Variants in CFAP95 observed in about 807,000 individuals in gnomAD.
CFAP95 encodes the protein cilia- and flagella-associated protein 95.
chr9:69,899,458 T>C, the CFAP95 span, among the ~76,000 whole-genome samples: 1 of 152,242 alleles, frequency 6.6e-6, no homozygotes, highest in African/African-American at 2.4e-5. Flanking sequence ...CTGCTTTCTA[T>C]AGAAAGTGTT....
the CFAP95 span, among the ~76,000 whole-genome samples, chr9:69,822,597 C>A: frequency 6.6e-6 from 1 of 152,310 alleles, no homozygotes; most frequent in Admixed American, 6.5e-5. Context: ...TAAATCACCA[C>A]TAGAAGTTAT....
At chr9:69,854,107 A>T in the CFAP95 span, among the ~76,000 whole-genome samples, 2 of 152,204 alleles carry the variant, frequency 1.3e-5, no homozygotes, top group East Asian at 3.9e-4. Flanking sequence ...ATATTGGGAG[A>T]TAACATTTGC....
chr9:69,851,346 G>A, the CFAP95 span, among the ~76,000 whole-genome samples: 2 of 151,964 alleles, frequency 1.3e-5, no homozygotes, highest in African/African-American at 2.4e-5. Context: ...AGGTTTTATG[G>A]TCAATCTCAG....
At chr9:69,892,824 T>C in the CFAP95 span, among the ~76,000 whole-genome samples, 1 of 152,168 alleles carries the variant, frequency 6.6e-6, no homozygotes, top group African/African-American at 2.4e-5. Flanking sequence ...CAAAGAAGAC[T>C]TCAGCCAGGG....
chr9:69,899,749 C>T, the CFAP95 span, among the ~76,000 whole-genome samples: 1 of 152,204 alleles, frequency 6.6e-6, no homozygotes, highest in Non-Finnish European at 1.5e-5. Context: ...GCAGAGGCTG[C>T]CTACATGACC....
chr9:69,835,719 C>T, the CFAP95 span, among the ~76,000 whole-genome samples: 2 of 152,048 alleles, frequency 1.3e-5, no homozygotes, highest in African/African-American at 2.4e-5. Context: ...AAAAATAATC[C>T]GTGTCTAAGA....
the CFAP95 span, among the ~76,000 whole-genome samples, chr9:69,832,458 C>T: frequency 2.0e-5 from 3 of 152,064 alleles, no homozygotes; most frequent in Non-Finnish European, 4.4e-5. Context: ...CAGCCCTTGC[C>T]CATGTAGCTC....
At chr9:69,897,766 C>G in the CFAP95 span, among the ~76,000 whole-genome samples, 2 of 151,858 alleles carry the variant, frequency 1.3e-5, no homozygotes, top group African/African-American at 4.8e-5. Flanking sequence ...ACCAGGAGAC[C>G]CCATTGTTTA....
the CFAP95 span, among the ~76,000 whole-genome samples, chr9:69,821,776 T>A: frequency 6.6e-6 from 1 of 152,022 alleles, no homozygotes; most frequent in Non-Finnish European, 1.5e-5. Context: ...GTTGGCCACA[T>A]TTAAAACTAG....
the CFAP95 span, among the ~76,000 whole-genome samples, chr9:69,831,716 G>T: frequency 6.6e-6 from 1 of 152,114 alleles, no homozygotes; most frequent in African/African-American, 2.4e-5. Flanking sequence ...GGTTCACCTG[G>T]TTCCTAGGAT....
chr9:69,833,933 C>T, the CFAP95 span, among the ~76,000 whole-genome samples: 7 of 152,266 alleles, frequency 4.6e-5, no homozygotes, highest in Admixed American at 4.6e-4. Flanking sequence ...TTTGTATTAT[C>T]TACTCAATAT....
At chr9:69,856,505 C>T in the CFAP95 span, 13 of 1,064,820 alleles carry the variant, frequency 1.2e-5, no homozygotes, top group East Asian at 3.2e-4. Context: ...AGTAACTGAC[C>T]ATTTGTAGTG....
the CFAP95 span, chr9:69,858,285 A>C: frequency 2.9e-6 from 1 of 341,996 alleles, no homozygotes; most frequent in Non-Finnish European, 5.5e-6. Context: ...TTGTGGACAT[A>C]TGCAGAATGG....
the CFAP95 span, among the ~76,000 whole-genome samples, chr9:69,888,736 C>T: frequency 2.0e-5 from 3 of 151,902 alleles, no homozygotes; most frequent in African/African-American, 7.3e-5. Context: ...AAATTGGCCA[C>T]ATGTGGTGGT....
chr9:69,881,237 C>T, the CFAP95 span, among the ~76,000 whole-genome samples: 1 of 152,124 alleles, frequency 6.6e-6, no homozygotes, highest in Non-Finnish European at 1.5e-5. Context: ...GAAGTCTTTG[C>T]CCAGACCAAT....
At chr9:69,889,699 G>C in the CFAP95 span, among the ~76,000 whole-genome samples, 255 of 152,186 alleles carry the variant, frequency 1.7e-3, no homozygotes, top group African/African-American at 5.7e-3. Context: ...AACACCTGCT[G>C]TTCTCAATGT....
At chr9:69,877,877 CA>C in the CFAP95 span, among the ~76,000 whole-genome samples, 8 of 152,220 alleles carry the variant, frequency 5.3e-5, no homozygotes, top group East Asian at 1.5e-3. Context: ...GGGACTATTT[CA>C]GGGGGAGAAT....
chr9:69,832,156 C>A, the CFAP95 span, among the ~76,000 whole-genome samples: 1 of 152,118 alleles, frequency 6.6e-6, no homozygotes, highest in Non-Finnish European at 1.5e-5. Context: ...ATCAGTGGCA[C>A]CTGCTCTCCT....
the CFAP95 span, among the ~76,000 whole-genome samples, chr9:69,901,116 G>A: frequency 6.6e-6 from 1 of 150,880 alleles, no homozygotes; most frequent in East Asian, 1.9e-4. Context: ...AACATGTGGT[G>A]TTTGGTTTTG....
Sources: allele counts gnomAD v4.1 joint callset (sites outside exome capture counted in the v4.1 genomes callset), GRCh38; gene constraint gnomAD v4.1.1; transcripts MANE v1.5; gene names NCBI Gene and HGNC (gene_info 2026-07-23, HGNC 2026-07-21).